The following CREM variants were observed in gnomAD, a reference collection of about 807,000 sequenced individuals.
CREM encodes cAMP responsive element modulator.
In CREM, 13 loss-of-function variants were observed where a neutral mutation model predicts 37.3. The ratio of observed to expected loss-of-function variants is 0.35; its 90% confidence interval spans 0.23 to 0.55. The LOEUF (loss-of-function observed/expected upper bound fraction) is 0.55. CREM is among the 20% of genes least tolerant of loss of function. CREM has a pLI of 0.88. For synonymous variants in CREM, 124 were observed against 120.2 expected, an observed-to-expected ratio of 1.03 and a Z score of -0.21; for missense variants, 296 against 362.3, an observed-to-expected ratio of 0.82 and a Z score of 1.49.
chr10:35,200,464 T>G (rs2095351390), intron 6 of CREM, among the ~76,000 whole-genome samples: 1 of 152,204 alleles, frequency 6.6e-6, no homozygotes, highest in Non-Finnish European at 1.5e-5. Context: ...GCTGAAAATA[T>G]TTTGGTGAGT....
intron 6 of CREM, among the ~76,000 whole-genome samples, chr10:35,190,936 A>G (rs2094887723): frequency 6.6e-6 from 1 of 152,158 alleles, no homozygotes; most frequent in African/African-American, 2.4e-5. Flanking sequence ...TGCTGGGATT[A>G]CAGGCATGAG....
chr10:35,142,584 G>A (rs767990154), intron 2 of CREM, among the ~76,000 whole-genome samples: 2 of 152,144 alleles, frequency 1.3e-5, no homozygotes, highest in Non-Finnish European at 2.9e-5. Flanking sequence ...CCCATTTGAG[G>A]TTGAAAACCA....
rs532869900 is a variant in CREM, at chr10:35,197,090, C to G, written c.598+8702C>G. Among the ~76,000 whole-genome samples the G allele has an allele frequency of 9.2e-5, 14 of 152,036 alleles. No homozygotes were observed. The South Asian group carries it at 2.9e-3, about 32-fold the overall frequency. On this transcript the variant is annotated intron_variant, in intron 6 of 7. Coordinates refer to ENST00000685392, the MANE Select transcript of CREM (RefSeq NM_183011.2). ...GCCAGGATGGTCTCGATTTCCTGACCTCGTGATCCGCCCTCCTTGGCAATG... is the reference window on the plus strand; with the variant it reads ...GCCAGGATGGTCTCGATTTCCTGACGTCGTGATCCGCCCTCCTTGGCAATG...
In CREM at chr10:35,212,545, A is replaced by G. The variant is rs2095677868; in HGVS notation, c.*1147A>G. 6.5e-6 allele frequency: 1 copy of G among 152,772 alleles called. No individual in the cohort carries two copies. Among genetic ancestry groups the G allele is most frequent in the Non-Finnish European group, 1.5e-5 (1 of 68,034 alleles). The allele number at this position is 152,772 out of a possible 1,614,324, so 9.5% of individuals were successfully genotyped here. A position where few individuals can be genotyped will look rare whatever the true frequency, so the allele number is the denominator to read the frequency against. ...TCTGGAATGAGCCTGTTGGGATCGC[A>G]TTGCATACCTTCGGGGTACAAGTCA... On this transcript the variant is annotated 3_prime_UTR_variant, in exon 8 of 8. Transcript: ENST00000685392.
chr10:35,154,919 A>G, intron 3 of CREM, among the ~76,000 whole-genome samples: 1 of 152,240 alleles, frequency 6.6e-6, no homozygotes, highest in Non-Finnish European at 1.5e-5. Context: ...CTGTACTCAT[A>G]TTTTGATAAT....
intron 6 of CREM, among the ~76,000 whole-genome samples, chr10:35,198,239 G>A (rs2095272144): frequency 6.6e-6 from 1 of 151,984 alleles, no homozygotes; most frequent in Admixed American, 6.6e-5. Context: ...AAAAGCAAAT[G>A]ACTGGCCGGG....
intron 6 of CREM, among the ~76,000 whole-genome samples, chr10:35,203,948 G>A (rs1026956109): frequency 6.6e-6 from 1 of 152,134 alleles, no homozygotes; most frequent in Non-Finnish European, 1.5e-5. Flanking sequence ...CTGGTGTCAT[G>A]TAAACTTCTC....
intron 2 of CREM, among the ~76,000 whole-genome samples, chr10:35,142,435 A>G (rs1395213432): frequency 6.6e-6 from 1 of 152,100 alleles, no homozygotes; most frequent in Non-Finnish European, 1.5e-5. Context: ...TGGAGTTCTC[A>G]TTAGAGACAG....
intron 2 of CREM, among the ~76,000 whole-genome samples, chr10:35,146,230 A>G (rs2092096803): frequency 6.6e-6 from 1 of 152,242 alleles, no homozygotes; most frequent in African/African-American, 2.4e-5. Context: ...TCAAAGGTGT[A>G]AAAAATAGCA....
intron 6 of CREM, among the ~76,000 whole-genome samples, chr10:35,195,403 T>G (rs573003719): frequency 2.6e-5 from 4 of 152,290 alleles, no homozygotes; most frequent in Non-Finnish European, 4.4e-5. Context: ...ATTGTTTCTT[T>G]GCTCAATATT....
At chr10:35,202,104 A>G (rs1466461468) in intron 6 of CREM, among the ~76,000 whole-genome samples, 5 of 152,200 alleles carry the variant, frequency 3.3e-5, no homozygotes, top group South Asian at 2.1e-4. Flanking sequence ...TCTTTCTTCA[A>G]TCATGATTGT....
chr10:35,175,554 C>G (rs187033981), intron 3 of CREM: 3 of 889,704 alleles, frequency 3.4e-6, no homozygotes, highest in Non-Finnish European at 5.4e-6. Context: ...GGCGTGAGGT[C>G]GTAGTGAGGT....
Position 35,179,132 on chromosome 10 carries a change from A to G in CREM, c.267-2A>G. 6.2e-7 allele frequency: 1 copy of G among 1,605,936 alleles called. No individual in the cohort carries two copies. Among genetic ancestry groups the G allele is most frequent in the South Asian group, 1.1e-5 (1 of 89,972 alleles). On this transcript the variant is annotated splice_acceptor_variant, in intron 4 of 7. Coordinates refer to ENST00000685392, the MANE Select transcript of CREM (RefSeq NM_183011.2). LOFTEE classifies it high-confidence loss of function. ...GACTTACCTTGTTAAATTGTATTTTAGGAAAATACTGAATGAACTGTCCTC... is the reference window on the plus strand; with the variant it reads ...GACTTACCTTGTTAAATTGTATTTTGGGAAAATACTGAATGAACTGTCCTC...
At chr10:35,167,024 C>T (rs976428384) in intron 3 of CREM, among the ~76,000 whole-genome samples, 5 of 152,000 alleles carry the variant, frequency 3.3e-5, no homozygotes, top group Non-Finnish European at 5.9e-5. Context: ...GCCTATAATC[C>T]TAGCTATTTG....
chr10:35,185,830 TA>T (rs1222998546), intron 5 of CREM, among the ~76,000 whole-genome samples: 4 of 152,334 alleles, frequency 2.6e-5, no homozygotes, highest in East Asian at 1.9e-4. Context: ...GTCAGTGAAA[TA>T]AAACACAGAG....
intron 3 of CREM, among the ~76,000 whole-genome samples, chr10:35,159,849 G>A (rs1317129893): frequency 1.3e-5 from 2 of 152,118 alleles, no homozygotes; most frequent in Non-Finnish European, 2.9e-5. Context: ...AAACACAGAA[G>A]GACTCAAACA....
chr10:35,126,850 T>G lies in CREM; in HGVS notation c.-398T>G, dbSNP rs2087865397. 1 of 151,936 alleles carries G rather than the reference T, an allele frequency of 6.6e-6. No homozygotes were observed. The highest frequency in any genetic ancestry group is 2.1e-4 in the South Asian group (1 of 4,822). The allele number at this position is 151,936 out of a possible 1,614,324, so 9.4% of individuals were successfully genotyped here. A position where few individuals can be genotyped will look rare whatever the true frequency, so the allele number is the denominator to read the frequency against. ...GCCCCTCCCCGGTTCCATTTCATTG[T>G]TGGATTGTGGCGCTTCACTCCTGCT... On this transcript the variant is annotated 5_prime_UTR_variant, in exon 1 of 8. Transcript: ENST00000685392.
chr10:35,128,700 TA>T (rs1439500208), intron 1 of CREM, among the ~76,000 whole-genome samples: 19 of 152,096 alleles, frequency 1.2e-4, no homozygotes, highest in Non-Finnish European at 1.6e-4. Flanking sequence ...TAATTTTTTG[TA>T]TTTTTAGTAG....
intron 3 of CREM, among the ~76,000 whole-genome samples, chr10:35,151,672 C>T (rs2092608943): frequency 6.6e-6 from 1 of 152,088 alleles, no homozygotes; most frequent in East Asian, 1.9e-4. Flanking sequence ...CTGCACCTGG[C>T]CTGTTTGAAG....
Sources: allele counts gnomAD v4.1 joint callset (sites outside exome capture counted in the v4.1 genomes callset), GRCh38; gene constraint gnomAD v4.1.1; transcripts MANE v1.5; gene names NCBI Gene and HGNC (gene_info 2026-07-23, HGNC 2026-07-21).